The following RBFOX1 variants were observed in gnomAD, a reference collection of about 807,000 sequenced individuals.
The protein encoded by RBFOX1 is RNA binding fox-1 homolog 1, also known as RNA binding protein fox-1 homolog 1.
In RBFOX1, 8 loss-of-function variants were observed where a neutral mutation model predicts 57.7. The observed-to-expected ratio is 0.14, with a 90% CI of 0.08 to 0.25. RBFOX1 has a LOEUF of 0.25. RBFOX1 is among the 10% of genes least tolerant of loss of function. The pLI, the probability that RBFOX1 is intolerant of heterozygous loss-of-function variation, is 1.00. For missense variants in RBFOX1, 611 were observed against 548.5 expected (o/e 1.11, Z -1.14); for synonymous variants, 326 against 222.4 (o/e 1.47, Z -4.15).
chr16:7,333,102 T>C, intron 4 of RBFOX1: 1 of 1,610,388 alleles, frequency 6.2e-7, no homozygotes, highest in Non-Finnish European at 8.5e-7. Flanking sequence ...ATTCAAGGCC[T>C]CTGCCAGCCA....
At chr16:7,103,219 G>A (rs1313177837) in intron 4 of RBFOX1, among the ~76,000 whole-genome samples, 1 of 152,102 alleles carries the variant, frequency 6.6e-6, no homozygotes, top group Admixed American at 6.6e-5. Context: ...AAAAACCAAT[G>A]ACCTCATTCT....
intron 3 of RBFOX1, among the ~76,000 whole-genome samples, chr16:5,821,693 A>G (rs536666871): frequency 6.6e-6 from 1 of 152,316 alleles, no homozygotes; most frequent in Non-Finnish European, 1.5e-5. Flanking sequence ...ACTTACAAAG[A>G]ACAGAAAGCA....
At chr16:6,440,486 C>G (rs141427876) in intron 2 of RBFOX1, among the ~76,000 whole-genome samples, 12 of 152,142 alleles carry the variant, frequency 7.9e-5, no homozygotes, top group Non-Finnish European at 1.3e-4. Context: ...AGGAAAGAGA[C>G]TATATGACAA....
intron 3 of RBFOX1, among the ~76,000 whole-genome samples, chr16:6,711,170 G>C (rs2063644217): frequency 6.6e-6 from 1 of 152,100 alleles, no homozygotes; most frequent in East Asian, 1.9e-4. Context: ...GAATTGTATT[G>C]ACTGCCACCA....
intron 2 of RBFOX1, among the ~76,000 whole-genome samples, chr16:6,333,226 A>T (rs890965339): frequency 2.6e-4 from 39 of 151,990 alleles, no homozygotes; most frequent in African/African-American, 9.4e-4. Flanking sequence ...TGTATTTTTC[A>T]TAGTGACAGG....
intron 4 of RBFOX1, among the ~76,000 whole-genome samples, chr16:7,157,109 G>C (rs1052230859): frequency 1.3e-5 from 2 of 152,160 alleles, no homozygotes; most frequent in South Asian, 4.1e-4. Context: ...ATGCTATTGA[G>C]TGTGGGAGAA....
At chr16:5,898,732 A>G (rs984189072) in intron 4 of RBFOX1, among the ~76,000 whole-genome samples, 2 of 151,850 alleles carry the variant, frequency 1.3e-5, no homozygotes, top group Non-Finnish European at 2.9e-5. Context: ...ATGCTCTACT[A>G]TTTTGTAGCT....
rs143256050 is a variant in RBFOX1 at position 7,415,257 on chromosome 16, A to T, written c.28-102890A>T. On this transcript the variant is annotated intron_variant, in intron 4 of 15. Coordinates refer to ENST00000550418, the MANE Select transcript of RBFOX1 (RefSeq NM_018723.4). ...GTATTAAGGTTTTCTCAGATGATGC[A>T]TCTGATATGCATCCAATGACAGGTA... Among the ~76,000 whole-genome samples, 1,026 of 152,306 alleles carry T rather than the reference A, an allele frequency of 6.7e-3. 12 individuals are homozygous for T. Among genetic ancestry groups the T allele is most frequent in the African/African-American group, 0.024 (980 of 41,562 alleles).
chr16:5,650,275 C>G (rs1332392919), intron 3 of RBFOX1, among the ~76,000 whole-genome samples: 1 of 152,120 alleles, frequency 6.6e-6, no homozygotes, highest in African/African-American at 2.4e-5. Flanking sequence ...GTGAAGTGCC[C>G]CTTTCTGGGC....
At chr16:7,523,984 C>T (rs2078102080) in intron 5 of RBFOX1, among the ~76,000 whole-genome samples, 1 of 152,138 alleles carries the variant, frequency 6.6e-6, no homozygotes. Context: ...GTTCTCCCCA[C>T]CCTATATCCA....
At chr16:5,580,944 T>C (rs568949350) in intron 2 of RBFOX1, among the ~76,000 whole-genome samples, 1 of 152,314 alleles carries the variant, frequency 6.6e-6, no homozygotes, top group South Asian at 2.1e-4. Context: ...CGTGACAGGC[T>C]AAGGCAAGGG....
chr16:7,196,477 A>G (rs186723513), intron 4 of RBFOX1, among the ~76,000 whole-genome samples: 15 of 152,336 alleles, frequency 9.8e-5, no homozygotes, highest in African/African-American at 1.4e-4. Flanking sequence ...CAAAGGTCCA[A>G]TGGCTTCCCA....
intron 3 of RBFOX1, among the ~76,000 whole-genome samples, chr16:6,933,051 G>C (rs2153478577): frequency 6.6e-6 from 1 of 152,302 alleles, no homozygotes; most frequent in Middle Eastern, 3.4e-3. Flanking sequence ...AGGTTCATCT[G>C]TGTCATCACA....
intron 4 of RBFOX1, among the ~76,000 whole-genome samples, chr16:5,926,426 G>T (rs2058942621): frequency 6.6e-6 from 1 of 152,080 alleles, no homozygotes. Context: ...CTGACTGGGG[G>T]GTGCTTTTGG....
At chr16:6,987,182 G>GT (rs1208838625) in intron 3 of RBFOX1, among the ~76,000 whole-genome samples, 1 of 152,074 alleles carries the variant, frequency 6.6e-6, no homozygotes, top group African/African-American at 2.4e-5. Flanking sequence ...GGACTGAAGT[G>GT]TTTTGCCAAG....
chr16:5,444,730 T>G (rs138332306), intron 1 of RBFOX1, among the ~76,000 whole-genome samples: 1 of 152,224 alleles, frequency 6.6e-6, no homozygotes, highest in Non-Finnish European at 1.5e-5. Flanking sequence ...ACAGTCACCA[T>G]GCACAGAGCA....
chr16:5,974,790 C>T (rs891748596), intron 4 of RBFOX1, among the ~76,000 whole-genome samples: 5 of 151,906 alleles, frequency 3.3e-5, no homozygotes, highest in African/African-American at 1.2e-4. Context: ...GGGAGGATCA[C>T]CTGAGGTCGG....
chr16:5,913,665 C>G (rs1278138465), intron 4 of RBFOX1, among the ~76,000 whole-genome samples: 9 of 152,188 alleles, frequency 5.9e-5, no homozygotes, highest in Non-Finnish European at 1.5e-5. Context: ...TCAGGTATTC[C>G]TCTGTAGCAA....
chr16:7,624,648 G>T (rs2059809740), intron 10 of RBFOX1, among the ~76,000 whole-genome samples: 1 of 152,192 alleles, frequency 6.6e-6, no homozygotes, highest in African/African-American at 2.4e-5. Flanking sequence ...GAGGCAGAGG[G>T]ACTAATAAGC....
Sources: gnomAD v4.1 joint callset for allele counts (sites outside exome capture counted in the v4.1 genomes callset) on GRCh38, gnomAD v4.1.1 for gene constraint, MANE v1.5 for transcripts, NCBI Gene and HGNC (gene_info 2026-07-23, HGNC 2026-07-21) for gene names.